The following SDK1 variants were observed in gnomAD, a reference collection of about 807,000 sequenced individuals.
SDK1 encodes the protein protein sidekick-1.
In SDK1, 157 loss-of-function variants were observed where a neutral mutation model predicts 245.5. The observed-to-expected ratio is 0.64, with a 90% CI of 0.56 to 0.73. The LOEUF (loss-of-function observed/expected upper bound fraction) is 0.73. Ranked by LOEUF, SDK1 falls within the 30% of genes least tolerant of loss-of-function variation. SDK1 has a pLI of 0.00. For missense variants in SDK1, 3,583 were observed against 3,002.3 expected (o/e 1.19, Z -4.52); for synonymous variants, 1,647 against 1,278.5 (o/e 1.29, Z -6.15).
intron 5 of SDK1, among the ~76,000 whole-genome samples, chr7:3,871,043 CCTCT>C (rs1328661078): frequency 6.6e-6 from 1 of 152,164 alleles, no homozygotes; most frequent in Non-Finnish European, 1.5e-5. Context: ...ACATGCTGTA[CCTCT>C]CTGTTTATTT....
At chr7:3,352,315 T>A (rs897438437) in intron 1 of SDK1, among the ~76,000 whole-genome samples, 2 of 151,976 alleles carry the variant, frequency 1.3e-5, no homozygotes, top group African/African-American at 4.8e-5. Flanking sequence ...ATCCCCAATA[T>A]TTTTGTGAAT....
At position 3,852,490 on chromosome 7, in the gene SDK1, G is replaced by C. The variant is rs185374783; in HGVS notation, c.847+30907G>C. ...TGGCCGGGCACGGTGGCTCACACCTGTAATCCCAGCACTTTGGGAGGCCGA... is the reference window on the plus strand; with the variant it reads ...TGGCCGGGCACGGTGGCTCACACCTCTAATCCCAGCACTTTGGGAGGCCGA... On this transcript the variant is annotated intron_variant, in intron 5 of 44. Coordinates refer to ENST00000404826, the MANE Select transcript of SDK1 (RefSeq NM_152744.4). 1.1e-3 allele frequency among the ~76,000 whole-genome samples: 172 copies of C among 151,768 alleles called. 1 individual carries two copies. Among genetic ancestry groups the C allele is most frequent in the African/African-American group, 4.0e-3 (164 of 41,404 alleles).
intron 20 of SDK1, among the ~76,000 whole-genome samples, chr7:4,074,856 T>TACTTTCCCTCTCTCTCTCTCTCTC (rs1486926440): frequency 4.8e-4 from 35 of 72,338 alleles, no homozygotes; most frequent in Non-Finnish European, 7.6e-4. Context: ...GAGCAAGACT[T>TACTTTCCCTCTCTCTCTCTCTCTC]TCTCTCTCTC....
At chr7:4,265,086 C>T (rs750073997) in intron 44 of SDK1, 38 bp from the exon 45 acceptor site, 2 of 1,594,622 alleles carry the variant, frequency 1.3e-6, no homozygotes, top group African/African-American at 2.7e-5. Context: ...GCCCTGCGCC[C>T]TGCCCTGCAC....
chr7:4,208,316 G>A (rs1470143162), intron 37 of SDK1, 31 bp downstream of exon 37: 2 of 1,598,242 alleles, frequency 1.3e-6, no homozygotes, highest in Middle Eastern at 2.1e-4. Context: ...CTTTGGGCAG[G>A]CCTCCTTGGA....
chr7:3,466,676 G>A (rs1006085325), intron 1 of SDK1, among the ~76,000 whole-genome samples: 2 of 150,862 alleles, frequency 1.3e-5, no homozygotes, highest in African/African-American at 4.9e-5. Context: ...AATAATAACT[G>A]GCTCCCTTCT....
chr7:4,207,325 T>A (rs972185818), intron 36 of SDK1, among the ~76,000 whole-genome samples: 2 of 152,176 alleles, frequency 1.3e-5, no homozygotes, highest in African/African-American at 4.8e-5. Context: ...CTGATTGGTG[T>A]TGTCTTTGGG....
chr7:4,025,916 C>T (rs1787304949), intron 17 of SDK1, among the ~76,000 whole-genome samples: 3 of 152,206 alleles, frequency 2.0e-5, no homozygotes, highest in African/African-American at 4.8e-5. Context: ...TCCTGGGTGC[C>T]GCCCACACTG....
At chr7:3,948,585 G>A (rs1276739866) in intron 5 of SDK1, among the ~76,000 whole-genome samples, 3 of 152,192 alleles carry the variant, frequency 2.0e-5, no homozygotes, top group Non-Finnish European at 4.4e-5. Flanking sequence ...TAAGGCTGTA[G>A]GTGAATCAAC....
At chr7:3,540,643 A>G (rs965117045) in intron 1 of SDK1, among the ~76,000 whole-genome samples, 3 of 152,134 alleles carry the variant, frequency 2.0e-5, no homozygotes, top group Non-Finnish European at 4.4e-5. Context: ...ATGCAGGGAG[A>G]ATGCACATTC....
chr7:4,170,348 G>A (rs1257661751), intron 32 of SDK1, among the ~76,000 whole-genome samples: 2 of 152,148 alleles, frequency 1.3e-5, no homozygotes, highest in African/African-American at 4.8e-5. Context: ...TCGGGAGGCT[G>A]AGGCAGGAGG....
chr7:3,557,574 A>G (rs1175906080), intron 1 of SDK1, among the ~76,000 whole-genome samples: 1 of 152,226 alleles, frequency 6.6e-6, no homozygotes, highest in African/African-American at 2.4e-5. Context: ...CCTACAAGTA[A>G]ATATCAAACT....
chr7:3,929,573 G>A (rs981785480), intron 5 of SDK1, among the ~76,000 whole-genome samples: 25 of 152,154 alleles, frequency 1.6e-4, no homozygotes, highest in African/African-American at 5.1e-4. Context: ...TCCTTAAAGC[G>A]GTGGGACTGT....
intron 5 of SDK1, among the ~76,000 whole-genome samples, chr7:3,833,519 T>C (rs551085208): frequency 6.6e-6 from 1 of 152,324 alleles, no homozygotes; most frequent in African/African-American, 2.4e-5. Context: ...TGTAAAGAAA[T>C]GGAATTTATA....
At chr7:3,521,110 C>T (rs1402118278) in intron 1 of SDK1, among the ~76,000 whole-genome samples, 1 of 152,190 alleles carries the variant, frequency 6.6e-6, no homozygotes, top group Non-Finnish European at 1.5e-5. Flanking sequence ...AAGCCTCCAT[C>T]TTCTGCCAGC....
In SDK1 at chr7:3,998,469, C is replaced by G. The variant is rs542382327; in HGVS notation, c.2131+11147C>G. Among the ~76,000 whole-genome samples, 32 of 152,264 alleles carry G rather than the reference C, an allele frequency of 2.1e-4. No homozygotes were observed. The South Asian group carries it at 4.8e-3, about 23-fold the overall frequency. ...ATGTTTTATTTCTAAGCAAATTATT[C>G]TTAAAATAACAAAATATTACATTTA... On this transcript the variant is annotated intron_variant, in intron 14 of 44. Transcript: ENST00000404826.
At chr7:4,093,278 T>A (rs1286462909) in intron 22 of SDK1, among the ~76,000 whole-genome samples, 1 of 152,002 alleles carries the variant, frequency 6.6e-6, no homozygotes, top group African/African-American at 2.4e-5. Context: ...GCCACTCCTG[T>A]TTGTCTGCTC....
At chr7:4,193,026 T>C (rs1022774337) in intron 35 of SDK1, among the ~76,000 whole-genome samples, 5 of 142,632 alleles carry the variant, frequency 3.5e-5, no homozygotes, top group African/African-American at 1.0e-4. Context: ...AAATATATAA[T>C]ATAGATTATA....
chr7:3,738,194 A>G (rs893504033), intron 4 of SDK1, among the ~76,000 whole-genome samples: 1 of 152,160 alleles, frequency 6.6e-6, no homozygotes, highest in African/African-American at 2.4e-5. Flanking sequence ...TTAGGTTTAA[A>G]TCTTTGTTCT....
Sources: gnomAD v4.1 joint callset for allele counts (sites outside exome capture counted in the v4.1 genomes callset) on GRCh38, gnomAD v4.1.1 for gene constraint, MANE v1.5 for transcripts, NCBI Gene and HGNC (gene_info 2026-07-23, HGNC 2026-07-21) for gene names.